Variants in ADAMTS12 observed in about 807,000 individuals in gnomAD.
ADAMTS12 encodes the protein A disintegrin and metalloproteinase with thrombospondin motifs 12.
Under a neutral mutation model 167.8 loss-of-function variants are expected in ADAMTS12, and 118 were observed. The ratio of observed to expected loss-of-function variants is 0.70; its 90% CI spans 0.61 to 0.82. ADAMTS12 has a LOEUF of 0.82. Ranked by LOEUF, ADAMTS12 falls within the 40% of genes least tolerant of loss-of-function variation. The pLI, the probability that ADAMTS12 is intolerant of heterozygous loss-of-function variation, is 0.00. For missense variants in ADAMTS12, 1,916 were observed against 1,998.8 expected (o/e 0.96, Z 0.79); for synonymous variants, 704 against 716.9 (o/e 0.98, Z 0.29).
rs759898655 is a variant in ADAMTS12 at position 33,527,217 on chromosome 5, G to A, written c.4756C>T (p.Arg1586Trp). ...AGTTCTTTTGACTTTTGGAGCAACC[G>A]TTGCCTTCTTTGCCTTTGGGTGTGT... The part of the protein sequence containing the change: ...ITHTQRQRRQ[R>W]LLQKSKEL The change falls in exon 24 of 24, where the codon CGG (arginine) becomes TGG (tryptophan). Residue 1586 changes from arginine to tryptophan, a missense_variant. Arg to Trp is a moderately radical substitution (Grantham distance 101, BLOSUM62 -3). Coordinates refer to ENST00000504830, the MANE Select transcript of ADAMTS12 (RefSeq NM_030955.4). 9.9e-6 allele frequency: 16 copies of A among 1,613,998 alleles called. No homozygotes were observed. Among genetic ancestry groups the A allele is most frequent in the African/African-American group, 2.7e-5 (2 of 74,914 alleles).
intron 6 of ADAMTS12, 106 bp from the exon 7 acceptor site, chr5:33,658,439 A>C: frequency 7.6e-7 from 1 of 1,319,334 alleles, no homozygotes; most frequent in South Asian, 1.6e-5. Context: ...TCTGTAAAGT[A>C]TGCTTGGCAT....
intron 2 of ADAMTS12, among the ~76,000 whole-genome samples, chr5:33,866,991 A>G (rs1749849188): frequency 6.6e-6 from 1 of 152,180 alleles, no homozygotes; most frequent in African/African-American, 2.4e-5. Context: ...GTGAAAGGCA[A>G]TGCTTATACA....
chr5:33,706,390 T>G (rs1379569886), intron 3 of ADAMTS12, among the ~76,000 whole-genome samples: 1 of 152,206 alleles, frequency 6.6e-6, no homozygotes, highest in Admixed American at 6.5e-5. Context: ...CTGTATAGGG[T>G]GCATATATAT....
In ADAMTS12 at chr5:33,558,880, A is replaced by C. The variant is rs145079852; in HGVS notation, c.4125+2147T>G. ...GATCCTGAGTTTGTTATGAGTTGGA[A>C]GAGAAATAAAAAAGACCAGTATCGA... On this transcript the variant is annotated intron_variant, in intron 20 of 23. Coordinates refer to ENST00000504830, the MANE Select transcript of ADAMTS12 (RefSeq NM_030955.4). 2.2e-3 allele frequency among the ~76,000 whole-genome samples: 334 copies of C among 149,650 alleles called. 1 individual carries two copies. Among genetic ancestry groups the C allele is most frequent in the African/African-American group, 8.1e-3 (314 of 38,938 alleles).
At chr5:33,888,885 G>T (rs190252470) in intron 1 of ADAMTS12, among the ~76,000 whole-genome samples, 9 of 152,152 alleles carry the variant, frequency 5.9e-5, no homozygotes, top group African/African-American at 2.2e-4. Flanking sequence ...AAAGAATACT[G>T]GGCAGTTAGT....
chr5:33,639,513 G>A (rs1405447643), intron 11 of ADAMTS12, among the ~76,000 whole-genome samples: 5 of 152,176 alleles, frequency 3.3e-5, no homozygotes, highest in Admixed American at 6.5e-5. Flanking sequence ...CTTAAAGGAC[G>A]ACTGGAAAGT....
At chr5:33,677,333 C>A (rs1385641370) in intron 5 of ADAMTS12, among the ~76,000 whole-genome samples, 5 of 152,278 alleles carry the variant, frequency 3.3e-5, no homozygotes, top group East Asian at 1.9e-4. Context: ...ATTTGATTCT[C>A]ATGACAATGC....
chr5:33,562,495 T>C (rs1034589502), intron 19 of ADAMTS12, among the ~76,000 whole-genome samples: 1 of 151,918 alleles, frequency 6.6e-6, no homozygotes, highest in African/African-American at 2.4e-5. Context: ...TGTTTCTGGA[T>C]GAGCAAAACA....
chr5:33,583,970 C>T (rs1462551110), intron 18 of ADAMTS12, among the ~76,000 whole-genome samples: 1 of 152,146 alleles, frequency 6.6e-6, no homozygotes, highest in African/African-American at 2.4e-5. Flanking sequence ...AATTTCCAAA[C>T]ACAAAACATT....
chr5:33,844,380 C>G (rs1748862733), intron 2 of ADAMTS12, among the ~76,000 whole-genome samples: 2 of 152,280 alleles, frequency 1.3e-5, no homozygotes, highest in South Asian at 4.1e-4. Context: ...TTCTTTTTCT[C>G]AGCAAGGAAC....
intron 23 of ADAMTS12, among the ~76,000 whole-genome samples, chr5:33,531,764 G>A (rs1365167080): frequency 6.6e-6 from 1 of 152,160 alleles, no homozygotes; most frequent in African/African-American, 2.4e-5. Context: ...ATCCTCACAT[G>A]TTCTTGGAAA....
intron 3 of ADAMTS12, among the ~76,000 whole-genome samples, chr5:33,750,677 A>T (rs572034748): frequency 6.6e-6 from 1 of 152,316 alleles, no homozygotes; most frequent in Admixed American, 6.5e-5. Flanking sequence ...CGATAAACTA[A>T]TGCATAGCTT....
At chr5:33,826,007 G>A (rs1418244349) in intron 2 of ADAMTS12, among the ~76,000 whole-genome samples, 1 of 152,154 alleles carries the variant, frequency 6.6e-6, no homozygotes, top group Non-Finnish European at 1.5e-5. Flanking sequence ...CCTTGCCATA[G>A]TTGAACAGGC....
intron 17 of ADAMTS12, among the ~76,000 whole-genome samples, chr5:33,589,753 G>A (rs956946918): frequency 6.6e-6 from 1 of 152,168 alleles, no homozygotes; most frequent in African/African-American, 2.4e-5. Flanking sequence ...TGGGAAAATA[G>A]TACACTGGGG....
chr5:33,599,109 G>C (rs1241835370), intron 16 of ADAMTS12, among the ~76,000 whole-genome samples: 1 of 152,184 alleles, frequency 6.6e-6, no homozygotes, highest in African/African-American at 2.4e-5. Flanking sequence ...CCAGGCATTT[G>C]AGTCTTCCTA....
At chr5:33,681,527 A>G (rs1011457886) in intron 5 of ADAMTS12, among the ~76,000 whole-genome samples, 3 of 152,230 alleles carry the variant, frequency 2.0e-5, no homozygotes, top group Non-Finnish European at 4.4e-5. Flanking sequence ...GAATAAAGAC[A>G]CATGGCTTCC....
intron 19 of ADAMTS12, among the ~76,000 whole-genome samples, chr5:33,562,518 A>C (rs1024731478): frequency 1.9e-4 from 29 of 148,750 alleles, no homozygotes; most frequent in Non-Finnish European, 3.1e-4. Context: ...GTGCTGAACT[A>C]AAAAAAAAAG....
intron 1 of ADAMTS12, among the ~76,000 whole-genome samples, chr5:33,883,329 T>G (rs1170385343): frequency 0.019 from 1,076 of 56,462 alleles, 12 homozygotes; most frequent in African/African-American, 0.06. Context: ...TTTTTTTTGT[T>G]TTTTTTTTTT....
chr5:33,546,323 T>C lies in ADAMTS12; in HGVS notation c.4303-121A>G, dbSNP rs141526328. On this transcript the variant is annotated intron_variant, in intron 21 of 23. Coordinates refer to ENST00000504830, the MANE Select transcript of ADAMTS12 (RefSeq NM_030955.4). ...GTGTTACTAGGAATATTGGTATCTG[T>C]ATTAGAATTTATAGCATTCCTGCAA... is the stretch of plus-strand genomic sequence containing the variant. The C allele has an allele frequency of 4.2e-4, 373 of 891,554 alleles. No individual in the cohort carries two copies. In the African/African-American group the frequency reaches 5.9e-3, roughly 14 times the overall value. The allele number at this position is 891,554 out of a possible 1,614,324, so 55.2% of individuals were successfully genotyped here.
Sources: gnomAD v4.1 joint callset for allele counts (sites outside exome capture counted in the v4.1 genomes callset) on GRCh38, gnomAD v4.1.1 for gene constraint, MANE v1.5 for transcripts, NCBI Gene and HGNC (gene_info 2026-07-23, HGNC 2026-07-21) for gene names.